Variants in RAB24 observed in about 807,000 individuals in gnomAD.
RAB24 encodes the protein RAB24, member RAS oncogene family, also known as ras-related protein Rab-24.
In RAB24, 9 loss-of-function variants were observed where a neutral mutation model predicts 31.4. The ratio of observed to expected loss-of-function variants is 0.29; its 90% CI spans 0.17 to 0.50. The LOEUF (loss-of-function observed/expected upper bound fraction) is 0.50, where lower values mean the gene tolerates loss of function less well. Among genes scored for constraint, RAB24 ranks in the 20% least tolerant of loss-of-function variants. The pLI is 0.98. For synonymous variants in RAB24, 106 were observed against 94.1 expected (o/e 1.13, Z -0.73); for missense variants, 197 against 265.2 (o/e 0.74, Z 1.79).
Position 177,301,701 on chromosome 5 carries a change from C to A in RAB24, c.*42G>T, listed in dbSNP as rs778715476. The A allele has an allele frequency of 1.9e-6, 3 of 1,603,548 alleles. No individual in the cohort carries two copies. Among genetic ancestry groups the A allele is most frequent in the African/African-American group, 1.3e-5 (1 of 74,624 alleles). ...AGAAAGGAGCTGGGTCCAGCCCTTA[C>A]GGGGAATTCCTTTAATTCCCCCAGG... On this transcript the variant is annotated 3_prime_UTR_variant, in exon 8 of 8. Transcript: ENST00000303251.
At chr5:177,302,372 C>A (rs750317829) in intron 5 of RAB24, 25 bp downstream of exon 5, 4 of 1,611,436 alleles carry the variant, frequency 2.5e-6, no homozygotes, top group African/African-American at 2.7e-5. Flanking sequence ...CACCCCCACC[C>A]CCCAAAGGGC....
In RAB24 at chr5:177,303,240, A is replaced by T. The variant is rs780436801; in HGVS notation, c.49T>A (p.Tyr17Asn). Residue 17 changes from tyrosine to asparagine, a missense_variant, in exon 1 of 8, where the codon TAC (tyrosine) becomes AAC (asparagine). Tyr to Asn is a moderately radical substitution (Grantham distance 143, BLOSUM62 -2). Transcript: ENST00000303251. The surrounding 1 kb of genome is among the most constrained non-coding windows in gnomAD (Gnocchi z 6.1). ...DVKVVMLGKE[Y>N]VGKTSLVERY... ...TCCACCAGGCTAGTCTTGCCCACGT[A>T]CTCCTTGCCCAGCATCACCACCTTG... 6.2e-7 allele frequency: 1 copy of T among 1,613,276 alleles called. No homozygotes were observed. Among genetic ancestry groups the T allele is most frequent in the Admixed American group, 1.7e-5 (1 of 59,998 alleles).
In RAB24 at chr5:177,303,101, G is replaced by A. The variant is rs762480176; in HGVS notation, c.118-24C>T. ...GTCTGCAACGAGAGGGAAGAGATCG[G>A]GGCCATAGGTGCAGATTACCGGCCC... On this transcript the variant is annotated intron_variant, in intron 1 of 7. Transcript: ENST00000303251. The surrounding 1 kb of genome is among the most constrained non-coding windows in gnomAD (Gnocchi z 6.1). 4.3e-6 allele frequency: 7 copies of A among 1,613,842 alleles called. No individual in the cohort carries two copies. The highest frequency in any genetic ancestry group is 4.2e-6 in the Non-Finnish European group (5 of 1,180,022).
rs759787677 is a variant in RAB24, at chr5:177,301,738, C to A, written c.*5G>T. ...TTAATTCCCCCAGGCCAGGTGAGTG[C>A]TGACTCAGTGATGACAACAGCTGTA... On this transcript the variant is annotated 3_prime_UTR_variant, in exon 8 of 8. Transcript: ENST00000303251. 1.9e-6 allele frequency: 3 copies of A among 1,614,010 alleles called. No individual in the cohort carries two copies. The African/African-American group carries it at 4.0e-5, about 22-fold the overall frequency.
Position 177,302,735 on chromosome 5 carries a change from ACCCCCC to A in RAB24, c.265+11_265+16del. ...CATCTTTTCTTGTGAGACAGCCCAA[ACCCCCC>A]CCCCCCTTACCATAGCAGACGATGG... is the stretch of plus-strand genomic sequence containing the variant. On this transcript the variant is annotated intron_variant, in intron 3 of 7. Transcript: ENST00000303251. 1 of 1,391,700 alleles carries A rather than the reference ACCCCCC, an allele frequency of 7.2e-7. No individual in the cohort carries two copies. The highest frequency in any genetic ancestry group is 1.0e-6 in the Non-Finnish European group (1 of 998,790). 86.2% of individuals were successfully genotyped at this position (1,391,700 alleles called of 1,614,324 possible).
At position 177,303,088 on chromosome 5, in the gene RAB24, A is replaced by G; in HGVS notation, c.118-11T>C. On this transcript the variant is annotated splice_polypyrimidine_tract_variant and intron_variant, in intron 1 of 7. Coordinates refer to ENST00000303251, the MANE Select transcript of RAB24 (RefSeq NM_001031677.4). The surrounding 1 kb of genome is among the most constrained non-coding windows in gnomAD (Gnocchi z 6.1). ...GGCGGCCCCGATGGTCTGCAACGAG[A>G]GGGAAGAGATCGGGGCCATAGGTGC... 1 of 1,614,014 alleles carries G rather than the reference A, an allele frequency of 6.2e-7. No individual in the cohort carries two copies. The highest frequency in any genetic ancestry group is 1.1e-5 in the South Asian group (1 of 91,080).
chr5:177,302,015 G>A, intron 6 of RAB24, 28 bp from the exon 7 acceptor site: 1 of 1,613,160 alleles, frequency 6.2e-7, no homozygotes. Context: ...GATCAGCGAG[G>A]GCCCAATGCC....
rs1414588927 is a variant in RAB24 at position 177,303,478 on chromosome 5, C to T, written c.-190G>A. Reference sequence around the variant, plus strand: ...TGCACTTCGGCAGCGCCCCGTGTGCCCCCGCTGTTCGGCCCCGGGCGCCGA... The same window carrying T: ...TGCACTTCGGCAGCGCCCCGTGTGCTCCCGCTGTTCGGCCCCGGGCGCCGA... On this transcript the variant is annotated 5_prime_UTR_variant, in exon 1 of 8. Coordinates refer to ENST00000303251, the MANE Select transcript of RAB24 (RefSeq NM_001031677.4). This position sits in a 1 kb window ranked among gnomAD's most constrained non-coding sequence, Gnocchi z 6.1. 4.9e-5 allele frequency: 30 copies of T among 614,842 alleles called. No individual in the cohort carries two copies. The highest frequency in any genetic ancestry group is 8.6e-4 in the Middle Eastern group (2 of 2,322). The allele number at this position is 614,842 out of a possible 1,614,324, so 38.1% of individuals were successfully genotyped here. A position where few individuals can be genotyped will look rare whatever the true frequency, so the allele number is the denominator to read the frequency against.
rs1210798533 is a variant in RAB24 at position 177,301,786 on chromosome 5, C to T, written c.569G>A (p.Gly190Asp). 1 of 1,614,054 alleles carries T rather than the reference C, an allele frequency of 6.2e-7. No individual in the cohort carries two copies. The highest frequency in any genetic ancestry group is 2.2e-5 in the East Asian group (1 of 44,898). ...GTAGAAGTAGGGGTTTGGCTTCTGG[C>T]CCAGATCCACGCCCTTGTCCTCTGT... is the stretch of plus-strand genomic sequence containing the variant. The part of the protein sequence containing the change: ...VMTEDKGVDL[G>D]QKPNPYFYSC... Residue 190 changes from glycine (G) to aspartate (D), a missense_variant, in exon 8 of 8, where the codon GGC (glycine) becomes GAC (aspartate). Gly to Asp is a moderately conservative substitution (Grantham distance 94). Around this residue, in one of 2 missense-constraint regions of RAB24, gnomAD observed 148 missense variants for 159.7 expected, o/e 0.93. Coordinates refer to ENST00000303251, the MANE Select transcript of RAB24 (RefSeq NM_001031677.4).
At position 177,302,746 on chromosome 5, in the gene RAB24, C is replaced by A. The variant is rs753130865; in HGVS notation, c.265+6G>T. The A allele has an allele frequency of 3.8e-5, 59 of 1,558,556 alleles. No homozygotes were observed. Among genetic ancestry groups the A allele is most frequent in the Non-Finnish European group, 4.8e-5 (55 of 1,136,028 alleles). On this transcript the variant is annotated splice_donor_region_variant and intron_variant, in intron 3 of 7. Coordinates refer to ENST00000303251, the MANE Select transcript of RAB24 (RefSeq NM_001031677.4). ...GTGAGACAGCCCAAACCCCCCCCCC[C>A]CTTACCATAGCAGACGATGGCAGCC... is the stretch of plus-strand genomic sequence containing the variant.
Position 177,303,654 on chromosome 5 carries a change from A to C in RAB24, c.-366T>G. On this transcript the variant is annotated 5_prime_UTR_variant, in exon 1 of 8. Coordinates refer to ENST00000303251, the MANE Select transcript of RAB24 (RefSeq NM_001031677.4). This position sits in a 1 kb window ranked among gnomAD's most constrained non-coding sequence, Gnocchi z 6.1. ...CGTTCTGGCTGGGAATCCCAACCGA[A>C]CCTGGGGTCTCCCGCAACCCGGCTC... The C allele has an allele frequency of 1.3e-5, 5 of 381,244 alleles. No homozygotes were observed. Among genetic ancestry groups the C allele is most frequent in the South Asian group, 4.9e-5 (1 of 20,366 alleles). 23.6% of individuals were successfully genotyped at this position (381,244 alleles called of 1,614,324 possible).
Position 177,303,274 on chromosome 5 carries a change from G to A in RAB24, c.15C>T (p.Arg5=), listed in dbSNP as rs1000945330. Residue 5 remains arginine, a synonymous_variant, in exon 1 of 8, where the codon CGC becomes CGT. Coordinates refer to ENST00000303251, the MANE Select transcript of RAB24 (RefSeq NM_001031677.4). This position sits in a 1 kb window ranked among gnomAD's most constrained non-coding sequence, Gnocchi z 6.1. MSGQ[R]VDVKVVMLGK... ...CCAGCATCACCACCTTGACGTCCAC[G>A]CGCTGCCCGCTCATGCTCCCGGGGC... is the stretch of plus-strand genomic sequence containing the variant. 1.9e-6 allele frequency: 3 copies of A among 1,613,668 alleles called. No individual in the cohort carries two copies. The highest frequency in any genetic ancestry group is 2.5e-6 in the Non-Finnish European group (3 of 1,180,020).
chr5:177,303,009 C>T lies in RAB24; in HGVS notation c.186G>A (p.Trp62Ter). ...AAGAATAGATGGCCGGGGGACTTAC[C>T]CAAATACCTAATGTCACAGTCCGGT... ...VGDRTVTLGI[W>*]DTAGSERYEA... Residue 62 changes from tryptophan to a stop codon, truncating the protein, a stop_gained and splice_region_variant, in exon 2 of 8, where the codon TGG becomes TGA. Coordinates refer to ENST00000303251, the MANE Select transcript of RAB24 (RefSeq NM_001031677.4). LOFTEE classifies it high-confidence loss of function. This position sits in a 1 kb window ranked among gnomAD's most constrained non-coding sequence, Gnocchi z 6.1. The T allele has an allele frequency of 3.7e-6, 6 of 1,614,064 alleles. No homozygotes were observed. The highest frequency in any genetic ancestry group is 5.1e-6 in the Non-Finnish European group (6 of 1,179,960).
Position 177,303,315 on chromosome 5 carries a change from A to G in RAB24, c.-27T>C. 3.7e-6 allele frequency: 6 copies of G among 1,609,752 alleles called. No individual in the cohort carries two copies. Among genetic ancestry groups the G allele is most frequent in the Non-Finnish European group, 5.1e-6 (6 of 1,176,892 alleles). The stretch of plus-strand genomic sequence containing the variant: ...CTCCCGGGGCCGCTTCAGCCACGTC[A>G]GGGTCCTGAGCGGGGACGGGAGGCA... On this transcript the variant is annotated 5_prime_UTR_variant, in exon 1 of 8. Transcript: ENST00000303251. The surrounding 1 kb of genome is among the most constrained non-coding windows in gnomAD (Gnocchi z 6.1).
intron 2 of RAB24, 58 bp downstream of exon 2, chr5:177,302,951 C>T: frequency 5.0e-6 from 8 of 1,597,572 alleles, no homozygotes; most frequent in Non-Finnish European, 6.9e-6. Flanking sequence ...CAGTAATAGG[C>T]AGGACCTACA....
At chr5:177,302,975 G>A (rs1270825258) in intron 2 of RAB24, 34 bp downstream of exon 2, 4 of 1,608,308 alleles carry the variant, frequency 2.5e-6, no homozygotes, top group Non-Finnish European at 2.6e-6. Context: ...CCTCAGGAAT[G>A]AGTCTCCCAA....
At position 177,302,651 on chromosome 5, in the gene RAB24, G is replaced by A. The variant is rs750525366; in HGVS notation, c.266-7C>T. Reference sequence around the variant, plus strand: ...CTGCTGCTGTCTGTGAGGTCTTGGTGTGCGGCATGCAGGAGACAACCAAGT... The same window carrying A: ...CTGCTGCTGTCTGTGAGGTCTTGGTATGCGGCATGCAGGAGACAACCAAGT... On this transcript the variant is annotated splice_region_variant and splice_polypyrimidine_tract_variant and intron_variant, in intron 3 of 7. Coordinates refer to ENST00000303251, the MANE Select transcript of RAB24 (RefSeq NM_001031677.4). 6.2e-7 allele frequency: 1 copy of A among 1,613,950 alleles called. No individual in the cohort carries two copies. The highest frequency in any genetic ancestry group is 1.7e-5 in the Admixed American group (1 of 59,998).
Position 177,302,446 on chromosome 5 carries a change from G to C in RAB24, c.384C>G (p.Asp128Glu). The C allele has an allele frequency of 6.2e-7, 1 of 1,613,832 alleles. No homozygotes were observed. Among genetic ancestry groups the C allele is most frequent in the Non-Finnish European group, 8.5e-7 (1 of 1,180,018 alleles). Reference sequence around the variant, plus strand: ...GGAAGTCCACACGTCGACGCCTCCGGTCTTCTTCCAGCAGGTCACTCTTGG... The same window carrying C: ...GGAAGTCCACACGTCGACGCCTCCGCTCTTCTTCCAGCAGGTCACTCTTGG... ...CGTKSDLLEE[D>E]RRRRRVDFHD... The change falls in exon 5 of 8, where the codon GAC (aspartate) becomes GAG (glutamate). Residue 128 changes from aspartate (D) to glutamate (E), a missense_variant. By Grantham distance (45) the Asp-to-Glu change is conservative (BLOSUM62 2). Around this residue, in one of 2 missense-constraint regions of RAB24, gnomAD observed 148 missense variants for 159.7 expected, o/e 0.93. Coordinates refer to ENST00000303251, the MANE Select transcript of RAB24 (RefSeq NM_001031677.4).
rs1288700345 is a variant in RAB24 at position 177,301,335 on chromosome 5, C to T, written c.*408G>A. On this transcript the variant is annotated 3_prime_UTR_variant, in exon 8 of 8. Coordinates refer to ENST00000303251, the MANE Select transcript of RAB24 (RefSeq NM_001031677.4). ...CCATGGGGAAAAAAGTCTTGTTTTCCAAAGGAAAATGAGAGTTGGGAGGAG... is the reference window on the plus strand; with the variant it reads ...CCATGGGGAAAAAAGTCTTGTTTTCTAAAGGAAAATGAGAGTTGGGAGGAG... The T allele has an allele frequency of 1.0e-5, 2 of 197,360 alleles. No individual in the cohort carries two copies. The highest frequency in any genetic ancestry group is 2.1e-5 in the Non-Finnish European group (2 of 93,980). The allele number at this position is 197,360 out of a possible 1,614,324, so 12.2% of individuals were successfully genotyped here.
Sources: allele counts gnomAD v4.1 joint callset, GRCh38; gene constraint gnomAD v4.1.1; regional missense constraint gnomAD v4.1.1; non-coding constraint Gnocchi (gnomAD v3.1); transcripts MANE v1.5; gene names NCBI Gene and HGNC (gene_info 2026-07-23, HGNC 2026-07-21).